ERBB4: variants seen among roughly 807,000 people sequenced by gnomAD.
ERBB4 encodes receptor tyrosine-protein kinase erbB-4.
Under a neutral mutation model 158.0 loss-of-function variants are expected in ERBB4, and 42 were observed. The observed-to-expected ratio is 0.27, with a 90% CI of 0.21 to 0.34. ERBB4 has a LOEUF of 0.34. Ranked by LOEUF, ERBB4 falls within the 10% of genes least tolerant of loss-of-function variation. The pLI is 1.00. For missense variants in ERBB4, 1,333 were observed against 1,624.1 expected, an observed-to-expected ratio of 0.82 and a Z score of 3.08; for synonymous variants, 583 against 558.7, an observed-to-expected ratio of 1.04 and a Z score of -0.61.
At chr2:212,177,590 G>GA (rs2081711593) in intron 1 of ERBB4, among the ~76,000 whole-genome samples, 2 of 151,892 alleles carry the variant, frequency 1.3e-5, no homozygotes, top group Admixed American at 1.3e-4. Flanking sequence ...AGCTCATGCT[G>GA]AAGGTTCACT....
At chr2:212,033,346 A>C (rs2076944757) in intron 2 of ERBB4, among the ~76,000 whole-genome samples, 1 of 151,968 alleles carries the variant, frequency 6.6e-6, no homozygotes, top group African/African-American at 2.4e-5. Flanking sequence ...TGCTATTAAA[A>C]TAATATTTTA....
chr2:211,419,320 A>G (rs1402924091), intron 25 of ERBB4, among the ~76,000 whole-genome samples: 1 of 152,106 alleles, frequency 6.6e-6, no homozygotes, highest in Admixed American at 6.6e-5. Flanking sequence ...AGGTTAACAT[A>G]TATGTGTTGA....
At chr2:211,911,968 T>C (rs2079550901) in intron 3 of ERBB4, among the ~76,000 whole-genome samples, 1 of 152,128 alleles carries the variant, frequency 6.6e-6, no homozygotes, top group Non-Finnish European at 1.5e-5. Flanking sequence ...AAGCCAGCTT[T>C]AGAGTGCATC....
At chr2:211,436,868 G>C (rs926806936) in intron 20 of ERBB4, among the ~76,000 whole-genome samples, 3 of 152,174 alleles carry the variant, frequency 2.0e-5, no homozygotes, top group African/African-American at 7.2e-5. Context: ...CATATTAAAA[G>C]ATTTGGTGCC....
intron 5 of ERBB4, among the ~76,000 whole-genome samples, chr2:211,739,562 C>A (rs11690747): frequency 0.33 from 50,161 of 151,984 alleles, 8,342 homozygotes; most frequent in South Asian, 0.44. Flanking sequence ...CTACCAGGTT[C>A]AACCGATTCT....
At chr2:211,649,866 G>C (rs1313989178) in intron 16 of ERBB4, among the ~76,000 whole-genome samples, 1 of 151,942 alleles carries the variant, frequency 6.6e-6, no homozygotes, top group Non-Finnish European at 1.5e-5. Context: ...TTTAAGGGTA[G>C]ATGATGGCAG....
Position 212,534,713 on chromosome 2 carries a change from A to G in ERBB4, c.82+3736T>C, listed in dbSNP as rs189897119. ...ATACTAAGATGTAAAGAGAGAATCTATAGTAACAGAAAGGGTGAATGCATA... is the reference window on the plus strand; with the variant it reads ...ATACTAAGATGTAAAGAGAGAATCTGTAGTAACAGAAAGGGTGAATGCATA... On this transcript the variant is annotated intron_variant, in intron 1 of 27. Transcript: ENST00000342788. Among the ~76,000 whole-genome samples, 8 of 152,338 alleles carry G rather than the reference A, an allele frequency of 5.3e-5. No homozygotes were observed. The East Asian group carries it at 1.3e-3, about 26-fold the overall frequency.
rs2125548726 is a variant in ERBB4 at position 212,114,933 on chromosome 2, A to G, written c.234+9819T>C. On this transcript the variant is annotated intron_variant, in intron 2 of 27. Coordinates refer to ENST00000342788, the MANE Select transcript of ERBB4 (RefSeq NM_005235.3). The stretch of plus-strand genomic sequence containing the variant: ...AAGCCTAATAGGGTTAGGTACAGCC[A>G]ACCAGCTCTTGTTGAGGGGCTACAA... 2.0e-5 allele frequency among the ~76,000 whole-genome samples: 3 copies of G among 152,318 alleles called. No individual in the cohort carries two copies. The South Asian group carries it at 6.2e-4, about 32-fold the overall frequency.
intron 3 of ERBB4, among the ~76,000 whole-genome samples, chr2:211,917,189 C>T (rs1347889): frequency 0.55 from 83,388 of 151,984 alleles, 23,499 homozygotes; most frequent in African/African-American, 0.65. Context: ...ATGAGGGCTT[C>T]ATACACGTGT....
chr2:211,835,246 C>T lies in ERBB4; in HGVS notation c.422-47087G>A, dbSNP rs990304005. Reference sequence around the variant, plus strand: ...AAAGTTACGCAAAGTAACAAAAATACATCTTTTGAAGGCTGATGGAGCAAA... The same window carrying T: ...AAAGTTACGCAAAGTAACAAAAATATATCTTTTGAAGGCTGATGGAGCAAA... On this transcript the variant is annotated intron_variant, in intron 3 of 27. Coordinates refer to ENST00000342788, the MANE Select transcript of ERBB4 (RefSeq NM_005235.3). 2.6e-5 allele frequency among the ~76,000 whole-genome samples: 4 copies of T among 152,200 alleles called. No individual in the cohort carries two copies. The South Asian group carries it at 8.3e-4, about 31-fold the overall frequency.
intron 1 of ERBB4, among the ~76,000 whole-genome samples, chr2:212,147,741 A>C (rs138843630): frequency 3.9e-5 from 6 of 152,230 alleles, no homozygotes; most frequent in African/African-American, 1.4e-4. Context: ...AAATTTTGTT[A>C]GTTTGAGAAA....
intron 19 of ERBB4, among the ~76,000 whole-genome samples, chr2:211,596,154 T>C (rs1026312308): frequency 9.9e-5 from 15 of 152,094 alleles, no homozygotes; most frequent in African/African-American, 3.4e-4. Flanking sequence ...CATGTTTAAT[T>C]CAATGTTATA....
At chr2:211,574,351 A>T (rs1337947796) in intron 19 of ERBB4, among the ~76,000 whole-genome samples, 1 of 152,226 alleles carries the variant, frequency 6.6e-6, no homozygotes, top group Non-Finnish European at 1.5e-5. Context: ...GCTAAAGTAG[A>T]TTTTGGCATT....
rs1207574317 is a variant in ERBB4, at chr2:212,457,401, C to A, written c.82+81048G>T. On this transcript the variant is annotated intron_variant, in intron 1 of 27. Transcript: ENST00000342788. ...TCAGATATTTCCAACCCCTTCTTTACAGACTGTTCCAAATTTTGTTATATA... is the reference window on the plus strand; with the variant it reads ...TCAGATATTTCCAACCCCTTCTTTAAAGACTGTTCCAAATTTTGTTATATA... Among the ~76,000 whole-genome samples, 3 of 151,986 alleles carry A rather than the reference C, an allele frequency of 2.0e-5. No individual in the cohort carries two copies. The South Asian group carries it at 6.2e-4, about 32-fold the overall frequency.
chr2:211,510,200 G>T (rs2065852656), intron 20 of ERBB4, among the ~76,000 whole-genome samples: 1 of 152,096 alleles, frequency 6.6e-6, no homozygotes, highest in South Asian at 2.1e-4. Context: ...GACCATCAAT[G>T]GGTGGTTGGA....
At chr2:212,037,771 T>G (rs2077049137) in intron 2 of ERBB4, among the ~76,000 whole-genome samples, 1 of 152,328 alleles carries the variant, frequency 6.6e-6, no homozygotes, top group African/African-American at 2.4e-5. Flanking sequence ...TAATCTTTTC[T>G]AAGGAACGTT....
intron 2 of ERBB4, among the ~76,000 whole-genome samples, chr2:211,990,513 A>C (rs1009262109): frequency 7.7e-5 from 11 of 142,044 alleles, no homozygotes; most frequent in Non-Finnish European, 6.3e-5. Context: ...AAATAACCAA[A>C]ATAAAAATAA....
Position 211,773,598 on chromosome 2 carries a change from TTATATATATATATATATATATATA to T in ERBB4, c.556+14403_556+14426del, listed in dbSNP as rs1171015959. Among the ~76,000 whole-genome samples, 296 of 29,798 alleles carry T rather than the reference TTATATATATATATATATATATATA, an allele frequency of 9.9e-3. 9 individuals are homozygous for T. Among genetic ancestry groups the T allele is most frequent in the Admixed American group, 0.015 (34 of 2,196 alleles). 19.5% of individuals were successfully genotyped at this position (29,798 alleles called of 152,430 possible). On this transcript the variant is annotated intron_variant, in intron 4 of 27. Transcript: ENST00000342788. ...AAGTAAGGATTATACTTCTGTAACT[TTATATATATATATATATATATATA>T]TATATATATATATATATATATATAT...
chr2:212,364,244 C>T (rs1462440605), intron 1 of ERBB4, among the ~76,000 whole-genome samples: 1 of 151,632 alleles, frequency 6.6e-6, no homozygotes, highest in African/African-American at 2.4e-5. Context: ...GGAAGTGATT[C>T]AGAGCATGTA....
Sources: allele counts gnomAD v4.1 joint callset (sites outside exome capture counted in the v4.1 genomes callset), GRCh38; gene constraint gnomAD v4.1.1; transcripts MANE v1.5; gene names NCBI Gene and HGNC (gene_info 2026-07-23, HGNC 2026-07-21).